CNTN3: variants seen among roughly 807,000 people sequenced by gnomAD.
The protein encoded by CNTN3 is contactin-3.
CNTN3 carries 60 observed loss-of-function variants against 119.1 expected under a neutral mutation model. The ratio of observed to expected loss-of-function variants is 0.50; its 90% CI spans 0.41 to 0.62. CNTN3 has a LOEUF of 0.62. Ranked by LOEUF, CNTN3 falls within the 20% of genes least tolerant of loss-of-function variation. The pLI, the probability that CNTN3 is intolerant of heterozygous loss-of-function variation, is 0.00. For missense variants in CNTN3, 1,101 were observed against 1,242.4 expected (o/e 0.89, Z 1.71); for synonymous variants, 450 against 438.7 (o/e 1.03, Z -0.32).
intron 2 of CNTN3, among the ~76,000 whole-genome samples, chr3:74,515,121 C>T (rs1703429815): frequency 6.6e-6 from 1 of 151,900 alleles, no homozygotes; most frequent in South Asian, 2.1e-4. Context: ...GAGGAAGGGA[C>T]CCTCAAGGGA....
At chr3:74,512,968 AT>A (rs1367677240) in intron 2 of CNTN3, among the ~76,000 whole-genome samples, 1 of 152,138 alleles carries the variant, frequency 6.6e-6, no homozygotes, top group Non-Finnish European at 1.5e-5. Context: ...GAAAAGTTCT[AT>A]TTTGCCATAG....
At chr3:74,373,478 C>T (rs571842753) in intron 5 of CNTN3, among the ~76,000 whole-genome samples, 17 of 152,268 alleles carry the variant, frequency 1.1e-4, no homozygotes, top group African/African-American at 4.1e-4. Flanking sequence ...CTTAGCAGGG[C>T]ATTAGGAATA....
chr3:74,411,771 A>G (rs911984656), intron 5 of CNTN3, among the ~76,000 whole-genome samples: 4 of 152,162 alleles, frequency 2.6e-5, no homozygotes, highest in Admixed American at 1.3e-4. Flanking sequence ...CAACCCATCA[A>G]TTAGATAGTC....
At chr3:74,526,434 G>A (rs541606932) in intron 1 of CNTN3, among the ~76,000 whole-genome samples, 2 of 151,856 alleles carry the variant, frequency 1.3e-5, no homozygotes, top group African/African-American at 4.8e-5. Flanking sequence ...CAGAAATCAT[G>A]CATCACATAA....
chr3:74,342,965 G>C (rs1040744339), intron 11 of CNTN3, among the ~76,000 whole-genome samples: 7 of 152,140 alleles, frequency 4.6e-5, no homozygotes, highest in Non-Finnish European at 1.0e-4. Flanking sequence ...AGACAAATGA[G>C]ACAAATAATT....
Position 74,334,843 on chromosome 3 carries a change from G to A in CNTN3, c.1560C>T (p.Pro520=), listed in dbSNP as rs1445317326. Residue 520 remains proline, a synonymous_variant, in exon 13 of 23, where the codon CCC becomes CCT. Transcript: ENST00000263665. ...ACAGCGGGTCATGTTGTACCTGGCAGGGCAATATGACGCTTTCACCAACAG... is the reference window on the plus strand; with the variant it reads ...ACAGCGGGTCATGTTGTACCTGGCAAGGCAATATGACGCTTTCACCAACAG... ...DVSVGESVIL[P]CQVQHDPLLD... is the part of the protein sequence containing the mutation. The A allele has an allele frequency of 6.2e-7, 1 of 1,613,508 alleles. No homozygotes were observed. The highest frequency in any genetic ancestry group is 1.1e-5 in the South Asian group (1 of 91,040).
chr3:74,601,408 A>C (rs9808933), intron 1 of CNTN3, among the ~76,000 whole-genome samples: 29,851 of 152,062 alleles, frequency 0.2, 5,427 homozygotes, highest in African/African-American at 0.47. Context: ...AGTTCTTTTA[A>C]TTGAACGGTA....
Position 74,470,509 on chromosome 3 carries a change from T to C in CNTN3, c.358+15947A>G, listed in dbSNP as rs557744932. Among the ~76,000 whole-genome samples, 8 of 152,182 alleles carry C rather than the reference T, an allele frequency of 5.3e-5. No homozygotes were observed. In the East Asian group the frequency reaches 1.6e-3, roughly 30 times the overall value. On this transcript the variant is annotated intron_variant, in intron 4 of 22. Coordinates refer to ENST00000263665, the MANE Select transcript of CNTN3 (RefSeq NM_020872.3). Reference sequence around the variant, plus strand: ...AAAGAGATAGAAAGTCACCTCTCCCTACATGCTGTCACAGTCAGACCTGGG... The same window carrying C: ...AAAGAGATAGAAAGTCACCTCTCCCCACATGCTGTCACAGTCAGACCTGGG...
intron 1 of CNTN3, among the ~76,000 whole-genome samples, chr3:74,577,592 A>T (rs1255205938): frequency 6.6e-6 from 1 of 152,102 alleles, no homozygotes; most frequent in African/African-American, 2.4e-5. Context: ...TAACATCCAT[A>T]TGTTCTCATT....
intron 1 of CNTN3, among the ~76,000 whole-genome samples, chr3:74,563,200 C>T (rs375455883): frequency 6.6e-6 from 1 of 152,072 alleles, no homozygotes; most frequent in East Asian, 1.9e-4. Context: ...GTTGCCAAGT[C>T]GCAGATGTTT....
chr3:74,270,651 G>A (rs1178276931), intron 20 of CNTN3, among the ~76,000 whole-genome samples: 1 of 152,134 alleles, frequency 6.6e-6, no homozygotes, highest in African/African-American at 2.4e-5. Flanking sequence ...GGAATGAGCA[G>A]GGGATAGTTG....
At chr3:74,553,356 T>C (rs540305526) in intron 1 of CNTN3, among the ~76,000 whole-genome samples, 1 of 152,318 alleles carries the variant, frequency 6.6e-6, no homozygotes, top group East Asian at 1.9e-4. Flanking sequence ...TTGGGTTGGG[T>C]CCAAGTCTTT....
At chr3:74,589,414 C>G (rs1343214082) in intron 1 of CNTN3, among the ~76,000 whole-genome samples, 3 of 146,984 alleles carry the variant, frequency 2.0e-5, no homozygotes, top group Non-Finnish European at 3.0e-5. Context: ...GAGATACCAT[C>G]TCACACCAGT....
At chr3:74,292,210 C>T (rs895527036) in intron 19 of CNTN3, among the ~76,000 whole-genome samples, 7 of 152,172 alleles carry the variant, frequency 4.6e-5, no homozygotes, top group African/African-American at 1.7e-4. Context: ...GAAATAGATA[C>T]ATTAATATCT....
chr3:74,390,556 G>A (rs1704873801), intron 5 of CNTN3, among the ~76,000 whole-genome samples: 1 of 152,060 alleles, frequency 6.6e-6, no homozygotes, highest in Non-Finnish European at 1.5e-5. Context: ...CTGAGAGGTA[G>A]GCATGGGAAG....
At chr3:74,345,316 CTTTCATAAGGTAA>C (rs1419419103) in intron 11 of CNTN3, among the ~76,000 whole-genome samples, 1 of 152,166 alleles carries the variant, frequency 6.6e-6, no homozygotes, top group Non-Finnish European at 1.5e-5. Flanking sequence ...GCCAACACAC[CTTTCATAAGGTAA>C]TAAAACTTTA....
intron 4 of CNTN3, among the ~76,000 whole-genome samples, chr3:74,461,762 G>A (rs1702372191): frequency 6.6e-6 from 1 of 152,098 alleles, no homozygotes; most frequent in Non-Finnish European, 1.5e-5. Context: ...ATAGACACTA[G>A]TGTTAAATAA....
At chr3:74,494,964 A>G (rs1240323706) in intron 3 of CNTN3, among the ~76,000 whole-genome samples, 1 of 152,074 alleles carries the variant, frequency 6.6e-6, no homozygotes, top group African/African-American at 2.4e-5. Context: ...CCTAGGAGAG[A>G]TGATAGTGCA....
intron 17 of CNTN3, among the ~76,000 whole-genome samples, chr3:74,298,624 C>A (rs920340606): frequency 6.8e-6 from 1 of 147,828 alleles, no homozygotes; most frequent in East Asian, 2.0e-4. Flanking sequence ...AGGCCTGGTA[C>A]GGTGGCTCAC....
Sources: allele counts gnomAD v4.1 joint callset (sites outside exome capture counted in the v4.1 genomes callset), GRCh38; gene constraint gnomAD v4.1.1; transcripts MANE v1.5; gene names NCBI Gene and HGNC (gene_info 2026-07-23, HGNC 2026-07-21).